HTR2C: variants seen among roughly 807,000 people sequenced by gnomAD.
HTR2C encodes 5-hydroxytryptamine (serotonin) receptor 2C, G protein-coupled.
A neutral mutation model predicts 21.0 loss-of-function variants in HTR2C; 5 were observed. The observed-to-expected ratio is 0.24, with a 90% CI of 0.12 to 0.50. The LOEUF (loss-of-function observed/expected upper bound fraction) is 0.50, where lower values mean the gene tolerates loss of function less well. HTR2C is among the 20% of genes least tolerant of loss of function. The pLI is 0.98. For synonymous variants in HTR2C, 150 were observed against 145.3 expected (o/e 1.03, Z -0.23); for missense variants, 271 against 371.2 (o/e 0.73, Z 2.22).
chrX:114,707,034 A>T (rs1476491060), intron 2 of HTR2C, among the ~76,000 whole-genome samples: 1 of 111,946 alleles, frequency 8.9e-6, no homozygotes, highest in Non-Finnish European at 1.9e-5. Flanking sequence ...AAAACAAAAA[A>T]TTTCAATTAC....
chrX:114,875,111 C>A (rs181760603), intron 5 of HTR2C, among the ~76,000 whole-genome samples: 2 of 110,888 alleles, frequency 1.8e-5, no homozygotes, highest in African/African-American at 6.6e-5. Flanking sequence ...TAGTCTGCAC[C>A]CTCTTGCAGT....
intron 4 of HTR2C, among the ~76,000 whole-genome samples, chrX:114,743,163 T>G (rs2069668390): frequency 1.2e-5 from 1 of 86,095 alleles, no homozygotes; most frequent in African/African-American, 4.3e-5. Flanking sequence ...AAGTCTTTGC[T>G]ATTGTGAATA....
intron 2 of HTR2C, among the ~76,000 whole-genome samples, chrX:114,704,407 A>G (rs1344939233): frequency 8.9e-6 from 1 of 111,775 alleles, no homozygotes; most frequent in Non-Finnish European, 1.9e-5. Flanking sequence ...GGTTCAATAT[A>G]CACAAATCAA....
At chrX:114,662,507 A>G (rs1204845281) in intron 2 of HTR2C, among the ~76,000 whole-genome samples, 2 of 112,049 alleles carry the variant, frequency 1.8e-5, no homozygotes, top group African/African-American at 3.2e-5. Context: ...TAGGACTTGA[A>G]ATATAATCAA....
In HTR2C at chrX:114,907,171, C is replaced by T. The variant is rs1314814146; in HGVS notation, c.1133C>T (p.Ala378Val). 8.3e-7 allele frequency: 1 copy of T among 1,208,561 alleles called. No homozygotes were observed. The highest frequency in any genetic ancestry group is 1.8e-5 in the African/African-American group (1 of 57,069). ...YTLFNKIYRR[A>V]FSNYLRCNYK... ...CTGTTCAACAAAATTTACCGAAGGG[C>T]ATTCTCCAACTATTTGCGTTGCAAT... The change falls in exon 6 of 6, where the codon GCA becomes GTA. Residue 378 changes from alanine (A) to valine (V), a missense_variant. Ala to Val is a moderately conservative substitution (Grantham distance 64, BLOSUM62 0). Around this residue, in one of 5 missense-constraint regions of HTR2C, gnomAD observed 192 missense variants for 247.2 expected, o/e 0.78. Coordinates refer to ENST00000276198, the MANE Select transcript of HTR2C (RefSeq NM_000868.4).
chrX:114,715,008 T>C (rs1181782354), intron 2 of HTR2C, among the ~76,000 whole-genome samples: 1 of 112,457 alleles, frequency 8.9e-6, no homozygotes, highest in African/African-American at 3.2e-5. Context: ...TCATGACATA[T>C]TTGAATTTAA....
At chrX:114,704,217 G>T (rs1312575439) in intron 2 of HTR2C, among the ~76,000 whole-genome samples, 4 of 111,599 alleles carry the variant, frequency 3.6e-5, no homozygotes, top group Non-Finnish European at 7.5e-5. Flanking sequence ...GATGACGCCA[G>T]CATCATCCTG....
chrX:114,843,326 A>G (rs2147484660), intron 4 of HTR2C, among the ~76,000 whole-genome samples: 1 of 112,175 alleles, frequency 8.9e-6, no homozygotes, highest in Non-Finnish European at 1.9e-5. Flanking sequence ...AAAAATTATA[A>G]TAACTGAAAT....
chrX:114,663,439 G>A (rs1249263858), intron 2 of HTR2C, among the ~76,000 whole-genome samples: 1 of 111,454 alleles, frequency 9.0e-6, no homozygotes, highest in East Asian at 2.8e-4. Flanking sequence ...ATGAAGCTTT[G>A]AGCAAAAATA....
Position 114,770,893 on chromosome X carries a change from C to T in HTR2C, c.349+39286C>T, listed in dbSNP as rs187002627. Among the ~76,000 whole-genome samples the T allele has an allele frequency of 2.8e-5, 3 of 106,901 alleles. No homozygotes were observed. The East Asian group carries it at 8.8e-4, about 31-fold the overall frequency. 92.8% of individuals were successfully genotyped at this position (106,901 alleles called of 115,157 possible). A position where few individuals can be genotyped will look rare whatever the true frequency, so the allele number is the denominator to read the frequency against. On this transcript the variant is annotated intron_variant, in intron 4 of 5. Coordinates refer to ENST00000276198, the MANE Select transcript of HTR2C (RefSeq NM_000868.4). Reference sequence around the variant, plus strand: ...CTCAGCTCACTGCAACCTCCGCCTCCCAGGTTCAAGTGATTGTCATGCCTC... The same window carrying T: ...CTCAGCTCACTGCAACCTCCGCCTCTCAGGTTCAAGTGATTGTCATGCCTC...
intron 4 of HTR2C, among the ~76,000 whole-genome samples, chrX:114,741,381 T>C (rs1338565048): frequency 5.8e-5 from 6 of 104,009 alleles, no homozygotes; most frequent in Non-Finnish European, 9.8e-5. Context: ...TAGCCAGGCG[T>C]GGTGACACAC....
intron 4 of HTR2C, among the ~76,000 whole-genome samples, chrX:114,808,093 C>G (rs1408521230): frequency 1.8e-5 from 2 of 110,135 alleles, no homozygotes; most frequent in Non-Finnish European, 3.8e-5. Flanking sequence ...ATTAAACATC[C>G]CCACTTCTCT....
At chrX:114,898,819 G>C (rs4427342) in intron 5 of HTR2C, among the ~76,000 whole-genome samples, 2,656 of 111,386 alleles carry the variant, frequency 0.024, 90 homozygotes, top group African/African-American at 0.083. Flanking sequence ...GTTTGAAGTT[G>C]AGTAACGTGA....
intron 4 of HTR2C, among the ~76,000 whole-genome samples, chrX:114,756,340 T>C (rs181316287): frequency 9.0e-6 from 1 of 111,644 alleles, no homozygotes; most frequent in Admixed American, 9.6e-5. Flanking sequence ...GCAGTTGCAC[T>C]CCTGGGCTTT....
At chrX:114,743,284 A>G (rs1171774302) in intron 4 of HTR2C, among the ~76,000 whole-genome samples, 1 of 109,038 alleles carries the variant, frequency 9.2e-6, no homozygotes, top group Non-Finnish European at 1.9e-5. Context: ...TTCTAGTTCT[A>G]GATCCCTGAG....
At chrX:114,877,601 C>T (rs1177722215) in intron 5 of HTR2C, among the ~76,000 whole-genome samples, 2 of 110,638 alleles carry the variant, frequency 1.8e-5, no homozygotes, top group East Asian at 5.6e-4. Context: ...ATTAGAACTA[C>T]TATTGCTACT....
chrX:114,896,555 T>A (rs1370391515), intron 5 of HTR2C, among the ~76,000 whole-genome samples: 4 of 112,346 alleles, frequency 3.6e-5, no homozygotes, highest in African/African-American at 9.7e-5. Context: ...TTAGGATTTG[T>A]ATGCCTTTTG....
rs782030346 is a variant in HTR2C at position 114,777,570 on chromosome X, TTTATTAAGACAGAGTTTTG to T, written c.349+45964_349+45982del. Among the ~76,000 whole-genome samples, 3 of 112,086 alleles carry T rather than the reference TTTATTAAGACAGAGTTTTG, an allele frequency of 2.7e-5. No individual in the cohort carries two copies. The South Asian group carries it at 1.1e-3, about 42-fold the overall frequency. ...TTTTCTATTGGTATTTATTTATTCATTTATTAAGACAGAGTTTTGCTCTGTCACCCAGGCTGGAGTGCAG... is the reference window on the plus strand; with the variant it reads ...TTTTCTATTGGTATTTATTTATTCATCTCTGTCACCCAGGCTGGAGTGCAG... On this transcript the variant is annotated intron_variant, in intron 4 of 5. Coordinates refer to ENST00000276198, the MANE Select transcript of HTR2C (RefSeq NM_000868.4).
chrX:114,744,754 C>T (rs1175329403), intron 4 of HTR2C, among the ~76,000 whole-genome samples: 1 of 111,489 alleles, frequency 9.0e-6, no homozygotes, highest in Admixed American at 9.6e-5. Context: ...ACTCAGCCCC[C>T]CAAAGCTCAT....
Sources: allele counts gnomAD v4.1 joint callset (sites outside exome capture counted in the v4.1 genomes callset), GRCh38; gene constraint gnomAD v4.1.1; regional missense constraint gnomAD v4.1.1; transcripts MANE v1.5; gene names NCBI Gene and HGNC (gene_info 2026-07-23, HGNC 2026-07-21).